CCBE1: variants seen among roughly 807,000 people sequenced by gnomAD.
CCBE1 encodes the protein collagen and calcium-binding EGF domain-containing protein 1.
CCBE1 carries 37 observed loss-of-function variants against 50.0 expected under a neutral mutation model. The observed-to-expected ratio is 0.74, with a 90% CI of 0.57 to 0.97. The LOEUF (loss-of-function observed/expected upper bound fraction) is 0.97, where lower values mean the gene tolerates loss of function less well. Among genes scored for constraint, CCBE1 ranks in the 50% least tolerant of loss-of-function variants. The pLI is 0.00. For synonymous variants in CCBE1, 234 were observed against 203.7 expected (o/e 1.15, Z -1.27); for missense variants, 538 against 523.8 (o/e 1.03, Z -0.26).
At chr18:59,498,221 G>A (rs759320569) in intron 2 of CCBE1, among the ~76,000 whole-genome samples, 10 of 151,976 alleles carry the variant, frequency 6.6e-5, no homozygotes, top group Non-Finnish European at 1.0e-4. Context: ...AGTTATACTG[G>A]TGACAAAAGA....
At position 59,652,481 on chromosome 18, in the gene CCBE1, C is replaced by T. The variant is rs200138113; in HGVS notation, c.212+44148G>A. On this transcript the variant is annotated intron_variant, in intron 2 of 10. Transcript: ENST00000439986. ...AAGGTAACACAAACTGACTCCCCCCCTTTTTTTTTAATGTAAACTCCATAG... is the reference window on the plus strand; with the variant it reads ...AAGGTAACACAAACTGACTCCCCCCTTTTTTTTTTAATGTAAACTCCATAG... 3.7e-3 allele frequency among the ~76,000 whole-genome samples: 561 copies of T among 150,104 alleles called. 2 individuals are homozygous for T. The highest frequency in any genetic ancestry group is 0.034 in the Middle Eastern group (10 of 292).
At chr18:59,666,608 T>C (rs2054360614) in intron 2 of CCBE1, among the ~76,000 whole-genome samples, 2 of 152,032 alleles carry the variant, frequency 1.3e-5, no homozygotes, top group Non-Finnish European at 2.9e-5. Flanking sequence ...CAAGACACTT[T>C]TTTTTTGAGG....
At chr18:59,596,720 C>T (rs1381047820) in intron 2 of CCBE1, among the ~76,000 whole-genome samples, 2 of 152,202 alleles carry the variant, frequency 1.3e-5, no homozygotes, top group Non-Finnish European at 2.9e-5. Context: ...ACCTTCTGTC[C>T]ATTTCCATCA....
chr18:59,556,717 A>C (rs1355670836), intron 2 of CCBE1, among the ~76,000 whole-genome samples: 1 of 152,234 alleles, frequency 6.6e-6, no homozygotes, highest in Non-Finnish European at 1.5e-5. Flanking sequence ...ACATTGTCAT[A>C]GTAACTCTTC....
At chr18:59,576,142 G>A (rs1030099959) in intron 2 of CCBE1, among the ~76,000 whole-genome samples, 10 of 152,122 alleles carry the variant, frequency 6.6e-5, no homozygotes, top group African/African-American at 2.4e-4. Context: ...TAGTGTTCAC[G>A]TTGTGGATAT....
intron 2 of CCBE1, among the ~76,000 whole-genome samples, chr18:59,633,347 G>C (rs1174318962): frequency 6.6e-6 from 1 of 152,118 alleles, no homozygotes; most frequent in Admixed American, 6.5e-5. Flanking sequence ...TTTCCTCTCT[G>C]GTCTAGTTCT....
intron 2 of CCBE1, among the ~76,000 whole-genome samples, chr18:59,566,371 G>A (rs1487567458): frequency 6.6e-6 from 1 of 152,092 alleles, no homozygotes; most frequent in African/African-American, 2.4e-5. Flanking sequence ...TGCTTAATAG[G>A]CTCATATGCA....
At chr18:59,447,188 C>T (rs1001672508) in intron 7 of CCBE1, among the ~76,000 whole-genome samples, 6 of 152,012 alleles carry the variant, frequency 3.9e-5, no homozygotes, top group African/African-American at 1.2e-4. Context: ...TTTCTTTATA[C>T]ACACATATAT....
chr18:59,651,889 A>C (rs1034858581), intron 2 of CCBE1, among the ~76,000 whole-genome samples: 9 of 152,236 alleles, frequency 5.9e-5, no homozygotes, highest in Non-Finnish European at 1.0e-4. Flanking sequence ...AAGTCAGTGT[A>C]TTCAGGGTGT....
chr18:59,691,190 C>A (rs1007007338), intron 2 of CCBE1, among the ~76,000 whole-genome samples: 3 of 152,206 alleles, frequency 2.0e-5, no homozygotes, highest in Non-Finnish European at 4.4e-5. Flanking sequence ...ATGTATTGAA[C>A]AACCTCTCTG....
intron 2 of CCBE1, among the ~76,000 whole-genome samples, chr18:59,545,646 C>T (rs1261317109): frequency 6.6e-6 from 1 of 152,180 alleles, no homozygotes; most frequent in Non-Finnish European, 1.5e-5. Context: ...ACCCAAATCT[C>T]ATCTTGAATT....
In CCBE1 at chr18:59,560,657, G is replaced by A. The variant is rs539177848; in HGVS notation, c.213-80419C>T. On this transcript the variant is annotated intron_variant, in intron 2 of 10. Coordinates refer to ENST00000439986, the MANE Select transcript of CCBE1 (RefSeq NM_133459.4). Reference sequence around the variant, plus strand: ...ATTAAACAAAACAAAAACAAAAGCAGGGTGTGTTCATGAGTAACCACTCCC... The same window carrying A: ...ATTAAACAAAACAAAAACAAAAGCAAGGTGTGTTCATGAGTAACCACTCCC... Among the ~76,000 whole-genome samples, 10 of 152,244 alleles carry A rather than the reference G, an allele frequency of 6.6e-5. No homozygotes were observed. In the South Asian group the frequency reaches 2.1e-3, roughly 32 times the overall value.
rs1910102248 is a variant in CCBE1, at chr18:59,435,301, C to T, written c.*607G>A. The T allele has an allele frequency of 6.4e-6, 1 of 156,190 alleles. No homozygotes were observed. Among genetic ancestry groups the T allele is most frequent in the African/African-American group, 2.4e-5 (1 of 41,428 alleles). The allele number at this position is 156,190 out of a possible 1,614,324, so 9.7% of individuals were successfully genotyped here. A position where few individuals can be genotyped will look rare whatever the true frequency, so the allele number is the denominator to read the frequency against. ...ATTCTTTTCTATCTTCTCTAAACGC[C>T]ATTCAATTCTCTCCTCTCTTTAATT... On this transcript the variant is annotated 3_prime_UTR_variant, in exon 11 of 11. Coordinates refer to ENST00000439986, the MANE Select transcript of CCBE1 (RefSeq NM_133459.4).
chr18:59,470,312 C>A (rs1911969834), intron 3 of CCBE1, among the ~76,000 whole-genome samples: 1 of 152,080 alleles, frequency 6.6e-6, no homozygotes, highest in African/African-American at 2.4e-5. Context: ...CATGAGAACA[C>A]CATGGGAAAG....
chr18:59,468,107 G>T (rs936664915), intron 4 of CCBE1, among the ~76,000 whole-genome samples: 1 of 152,228 alleles, frequency 6.6e-6, no homozygotes, highest in Non-Finnish European at 1.5e-5. Context: ...AGAACAGGGG[G>T]CTGGGTGCGG....
chr18:59,632,036 C>G (rs1334528518), intron 2 of CCBE1, among the ~76,000 whole-genome samples: 3 of 152,166 alleles, frequency 2.0e-5, no homozygotes, highest in Admixed American at 2.0e-4. Flanking sequence ...AAGCCAAGAC[C>G]AACCTGCAAA....
intron 2 of CCBE1, among the ~76,000 whole-genome samples, chr18:59,527,845 T>G (rs1225361112): frequency 2.6e-5 from 4 of 152,204 alleles, no homozygotes; most frequent in African/African-American, 9.7e-5. Flanking sequence ...TGCTGAGAGA[T>G]CCGCTGTTAC....
At chr18:59,595,222 T>A (rs1038098605) in intron 2 of CCBE1, among the ~76,000 whole-genome samples, 1 of 149,446 alleles carries the variant, frequency 6.7e-6, no homozygotes, top group Non-Finnish European at 1.5e-5. Flanking sequence ...TACTGTTTTT[T>A]GCTTTTTTTT....
intron 2 of CCBE1, among the ~76,000 whole-genome samples, chr18:59,491,268 C>T (rs1913083478): frequency 6.6e-6 from 1 of 152,140 alleles, no homozygotes. Context: ...CCCCTTGCCA[C>T]CTCGCCCTCT....
Sources: allele counts gnomAD v4.1 joint callset (sites outside exome capture counted in the v4.1 genomes callset), GRCh38; gene constraint gnomAD v4.1.1; transcripts MANE v1.5; gene names NCBI Gene and HGNC (gene_info 2026-07-23, HGNC 2026-07-21).